Variants in CMSS1 observed in about 807,000 individuals in gnomAD.
CMSS1 encodes the protein protein CMSS1.
A neutral mutation model predicts 43.5 loss-of-function variants in CMSS1; 33 were observed. That is an observed-to-expected ratio of 0.76 (90% CI 0.57 to 1.01). CMSS1 has a LOEUF of 1.01. CMSS1 is among the 50% of genes least tolerant of loss of function. CMSS1 has a pLI of 0.00. For missense variants in CMSS1, 313 were observed against 326.4 expected (o/e 0.96, Z 0.32); for synonymous variants, 115 against 117.2 (o/e 0.98, Z 0.12).
chr3:99,921,803 A>G (rs1359272344), intron 1 of CMSS1, among the ~76,000 whole-genome samples: 1 of 152,166 alleles, frequency 6.6e-6, no homozygotes, highest in African/African-American at 2.4e-5. Context: ...TCATATATTG[A>G]TTTAGTAGTA....
rs552571090 is a variant in CMSS1 at position 100,067,268 on chromosome 3, A to T, written c.65-79705A>T. Among the ~76,000 whole-genome samples, 13 of 152,252 alleles carry T rather than the reference A, an allele frequency of 8.5e-5. No homozygotes were observed. In the South Asian group the frequency reaches 2.7e-3, roughly 32 times the overall value. On this transcript the variant is annotated intron_variant, in intron 1 of 9. Coordinates refer to ENST00000421999, the MANE Select transcript of CMSS1 (RefSeq NM_032359.4). ...TCCCTACTCAAACTGAATTACCATG[A>T]CCTTTTCTCTCTTCTTGGCTTTCTT...
intron 1 of CMSS1, among the ~76,000 whole-genome samples, chr3:100,065,274 A>AT (rs2065644582): frequency 6.6e-6 from 1 of 152,186 alleles, no homozygotes. Flanking sequence ...GAATATCCAG[A>AT]TAATGCTTTT....
intron 1 of CMSS1, among the ~76,000 whole-genome samples, chr3:99,838,075 C>T (rs1454893341): frequency 6.6e-6 from 1 of 152,220 alleles, no homozygotes; most frequent in African/African-American, 2.4e-5. Context: ...ATATTGATTG[C>T]CTGTCCAAGC....
intron 1 of CMSS1, among the ~76,000 whole-genome samples, chr3:99,852,592 C>A (rs907476781): frequency 2.0e-5 from 3 of 151,948 alleles, no homozygotes; most frequent in Admixed American, 6.6e-5. Context: ...ATTATAGGCA[C>A]GCACCACCAC....
At chr3:100,152,934 G>A (rs1045493848) in intron 2 of CMSS1, among the ~76,000 whole-genome samples, 13 of 152,058 alleles carry the variant, frequency 8.5e-5, no homozygotes, top group African/African-American at 3.1e-4. Flanking sequence ...CTTTACTTTT[G>A]ACACATTTCA....
At chr3:100,067,403 A>C (rs1317857511) in intron 1 of CMSS1, among the ~76,000 whole-genome samples, 1 of 152,156 alleles carries the variant, frequency 6.6e-6, no homozygotes, top group Admixed American at 6.5e-5. Flanking sequence ...TATATATAAG[A>C]AAGGTGGAGG....
intron 1 of CMSS1, among the ~76,000 whole-genome samples, chr3:100,028,664 A>G (rs1323334466): frequency 6.6e-6 from 1 of 152,208 alleles, no homozygotes; most frequent in Non-Finnish European, 1.5e-5. Context: ...CAATAATGGA[A>G]TAGCATTTTT....
At chr3:100,099,518 T>C (rs1215177817) in intron 1 of CMSS1, among the ~76,000 whole-genome samples, 1 of 152,148 alleles carries the variant, frequency 6.6e-6, no homozygotes, top group African/African-American at 2.4e-5. Flanking sequence ...TATAAAAGTA[T>C]TTGTATCGGT....
chr3:100,017,796 C>T (rs887708645), intron 1 of CMSS1, among the ~76,000 whole-genome samples: 19 of 152,220 alleles, frequency 1.2e-4, no homozygotes, highest in Admixed American at 9.8e-4. Context: ...TGGTCTTCTC[C>T]GACCTTCAGT....
Position 99,925,898 on chromosome 3 carries a change from A to G in CMSS1, c.64+107855A>G. On this transcript the variant is annotated intron_variant, in intron 1 of 9. Transcript: ENST00000421999. ...CCTGGCCTTGAGCTCCATTTTGCCCAGCACGGGGTAAGCTGCCACCAGAAA... is the reference window on the plus strand; with the variant it reads ...CCTGGCCTTGAGCTCCATTTTGCCCGGCACGGGGTAAGCTGCCACCAGAAA... The G allele has an allele frequency of 6.1e-6, 6 of 985,360 alleles. No individual in the cohort carries two copies. The South Asian group carries it at 1.4e-4, about 23-fold the overall frequency. The allele number at this position is 985,360 out of a possible 1,614,324, so 61.0% of individuals were successfully genotyped here.
At chr3:100,125,331 A>G (rs1205702163) in intron 1 of CMSS1, among the ~76,000 whole-genome samples, 1 of 152,180 alleles carries the variant, frequency 6.6e-6, no homozygotes, top group African/African-American at 2.4e-5. Context: ...AGCGGGACAC[A>G]TCTGATCCCT....
chr3:100,143,801 C>A (rs1485777427), intron 1 of CMSS1, among the ~76,000 whole-genome samples: 2 of 152,150 alleles, frequency 1.3e-5, no homozygotes, highest in Non-Finnish European at 1.5e-5. Flanking sequence ...TACCCTTTAT[C>A]ATTATATAAT....
In CMSS1 at chr3:99,861,739, AC is replaced by A. The variant is rs765377451; in HGVS notation, c.64+43698del. Among the ~76,000 whole-genome samples the A allele has an allele frequency of 3.3e-5, 5 of 152,186 alleles. No individual in the cohort carries two copies. In the East Asian group the frequency reaches 9.6e-4, roughly 29 times the overall value. ...ACTGACAGCATGTACACTCTCTAGT[AC>A]CGAAGCACCAATAGGAACGAGACAG... On this transcript the variant is annotated intron_variant, in intron 1 of 9. Transcript: ENST00000421999.
At chr3:99,828,193 T>C (rs1222845055) in intron 1 of CMSS1, among the ~76,000 whole-genome samples, 3 of 152,180 alleles carry the variant, frequency 2.0e-5, no homozygotes, top group East Asian at 1.9e-4. Flanking sequence ...GGGTTTTTTT[T>C]CTATTAGCAT....
intron 1 of CMSS1, among the ~76,000 whole-genome samples, chr3:99,999,960 A>G (rs1196667136): frequency 6.6e-6 from 1 of 152,208 alleles, no homozygotes; most frequent in Non-Finnish European, 1.5e-5. Flanking sequence ...TCTAGACTCT[A>G]GAACAGTGAT....
intron 1 of CMSS1, among the ~76,000 whole-genome samples, chr3:100,132,833 A>G (rs1037497047): frequency 5.3e-5 from 8 of 151,566 alleles, no homozygotes; most frequent in South Asian, 4.2e-4. Context: ...AAAAAAAAAA[A>G]AAAAAAAGAA....
At chr3:100,156,549 C>T (rs541418791) in intron 2 of CMSS1, among the ~76,000 whole-genome samples, 9 of 151,808 alleles carry the variant, frequency 5.9e-5, no homozygotes, top group South Asian at 2.1e-4. Flanking sequence ...CCTCGTAATC[C>T]GCCCTCCTCG....
chr3:100,080,408 A>C (rs1400394721), intron 1 of CMSS1, among the ~76,000 whole-genome samples: 1 of 152,218 alleles, frequency 6.6e-6, no homozygotes, highest in Non-Finnish European at 1.5e-5. Flanking sequence ...TTTAGTGAGC[A>C]TAACAATCAC....
intron 1 of CMSS1, among the ~76,000 whole-genome samples, chr3:99,899,540 T>C (rs1472086139): frequency 6.6e-6 from 1 of 152,222 alleles, no homozygotes; most frequent in Non-Finnish European, 1.5e-5. Flanking sequence ...AAATGGTAGC[T>C]GTTGTGATTG....
Sources: gnomAD v4.1 joint callset for allele counts (sites outside exome capture counted in the v4.1 genomes callset) on GRCh38, gnomAD v4.1.1 for gene constraint, MANE v1.5 for transcripts, NCBI Gene and HGNC (gene_info 2026-07-23, HGNC 2026-07-21) for gene names.